LRRC7: variants seen among roughly 807,000 people sequenced by gnomAD.
LRRC7 encodes leucine-rich repeat-containing protein 7.
A neutral mutation model predicts 175.7 loss-of-function variants in LRRC7; 23 were observed. That is an observed-to-expected ratio of 0.13 (90% confidence interval 0.09 to 0.19). The LOEUF (loss-of-function observed/expected upper bound fraction) is 0.19. Among genes scored for constraint, LRRC7 ranks in the 10% least tolerant of loss-of-function variants. The probability of loss-of-function intolerance (pLI) is 1.00; values close to 1 mark genes in which losing one functional copy is unlikely to be tolerated. For synonymous variants in LRRC7, 685 were observed against 680.9 expected (o/e 1.01, Z -0.09); for missense variants, 1,354 against 1,904.7 (o/e 0.71, Z 5.38).
At chr1:69,637,391 C>A (rs1245036) in intron 1 of LRRC7, among the ~76,000 whole-genome samples, 125,020 of 151,798 alleles carry the variant, frequency 0.82, 52,844 homozygotes, top group East Asian at 0.97. Context: ...GTTAATTCTA[C>A]ATAAATATTT....
intron 1 of LRRC7, among the ~76,000 whole-genome samples, chr1:69,601,154 G>T (rs1361934920): frequency 2.0e-5 from 3 of 152,164 alleles, no homozygotes; most frequent in Admixed American, 6.5e-5. Context: ...TAAAAACCAA[G>T]ATCAGGACAC....
At chr1:70,063,260 A>G (rs1661715363) in intron 23 of LRRC7, among the ~76,000 whole-genome samples, 1 of 152,160 alleles carries the variant, frequency 6.6e-6, no homozygotes, top group Non-Finnish European at 1.5e-5. Context: ...TACTCCATCA[A>G]TATTTGACAT....
chr1:69,864,900 A>G (rs1684744448), intron 7 of LRRC7, among the ~76,000 whole-genome samples: 2 of 152,178 alleles, frequency 1.3e-5, no homozygotes, highest in African/African-American at 2.4e-5. Context: ...TATGACAACT[A>G]TTGCTGTCCT....
chr1:70,133,942 T>C lies in LRRC7; in HGVS notation c.*12055T>C, dbSNP rs1355155228. Among the ~76,000 whole-genome samples the C allele has an allele frequency of 1.3e-5, 2 of 152,172 alleles. No homozygotes were observed. The highest frequency in any genetic ancestry group is 2.9e-5 in the Non-Finnish European group (2 of 68,008). ...TTTTTAAAGTTAACTTTCCAAAACT[T>C]AAACATCAGGAACTGTGGTTAAGTT... On this transcript the variant is annotated 3_prime_UTR_variant, in exon 27 of 27. Transcript: ENST00000651989.
At position 69,887,813 on chromosome 1, in the gene LRRC7, T is replaced by A. The variant is rs552956319; in HGVS notation, c.648-43694T>A. On this transcript the variant is annotated intron_variant, in intron 7 of 26. Transcript: ENST00000651989. ...GGGTTTTTGGTGTGGATGTCCTTTC[T>A]GTTTGTTAGTTTTCCTTCTAACAGA... Among the ~76,000 whole-genome samples the A allele has an allele frequency of 3.7e-3, 543 of 147,224 alleles. 4 individuals carry two copies. Among genetic ancestry groups the A allele is most frequent in the African/African-American group, 0.013 (507 of 38,606 alleles).
At chr1:70,044,457 C>A (rs939062387) in intron 22 of LRRC7, among the ~76,000 whole-genome samples, 1 of 151,886 alleles carries the variant, frequency 6.6e-6, no homozygotes, top group Admixed American at 6.6e-5. Context: ...ATAGTCCTAT[C>A]GTCCTGGTGA....
chr1:69,785,265 A>G (rs143128839), intron 3 of LRRC7, among the ~76,000 whole-genome samples: 85 of 152,236 alleles, frequency 5.6e-4, no homozygotes, highest in African/African-American at 2.0e-3. Context: ...TTCCTGGTAA[A>G]CTGAAGTGAT....
intron 17 of LRRC7, among the ~76,000 whole-genome samples, chr1:70,023,668 A>G (rs1225858716): frequency 6.6e-6 from 1 of 151,860 alleles, no homozygotes; most frequent in Admixed American, 6.6e-5. Context: ...GTGTGGGAAT[A>G]CCAATAGTTG....
At chr1:69,761,211 AG>A (rs1251658502) in intron 3 of LRRC7, among the ~76,000 whole-genome samples, 1 of 152,040 alleles carries the variant, frequency 6.6e-6, no homozygotes, top group Non-Finnish European at 1.5e-5. Flanking sequence ...TTACCTGTGA[AG>A]GATTTATACG....
chr1:69,585,828 C>T (rs1241750213), intron 1 of LRRC7, among the ~76,000 whole-genome samples: 2 of 152,196 alleles, frequency 1.3e-5, no homozygotes, highest in Non-Finnish European at 2.9e-5. Flanking sequence ...GAAAGAACTA[C>T]ATAAACTATT....
chr1:69,822,856 C>A (rs993361991), intron 4 of LRRC7, among the ~76,000 whole-genome samples: 1 of 152,200 alleles, frequency 6.6e-6, no homozygotes, highest in African/African-American at 2.4e-5. Flanking sequence ...CTCTCATCTG[C>A]AGGTGGTTGC....
intron 7 of LRRC7, among the ~76,000 whole-genome samples, chr1:69,912,173 A>C (rs1311829746): frequency 6.6e-6 from 1 of 152,160 alleles, no homozygotes; most frequent in Non-Finnish European, 1.5e-5. Context: ...TTGTACATAA[A>C]TATTAATACT....
At chr1:69,922,849 T>C (rs1009151693) in intron 7 of LRRC7, among the ~76,000 whole-genome samples, 2 of 152,126 alleles carry the variant, frequency 1.3e-5, no homozygotes, top group African/African-American at 4.8e-5. Context: ...TTAGGGTACA[T>C]GTTCACAATG....
chr1:69,744,053 A>G (rs1262170179), intron 2 of LRRC7, among the ~76,000 whole-genome samples: 1 of 151,560 alleles, frequency 6.6e-6, no homozygotes, highest in Non-Finnish European at 1.5e-5. Flanking sequence ...AATACTCATG[A>G]TAACTCAGAG....
rs548052314 is a variant in LRRC7 at position 69,639,045 on chromosome 1, G to A, written c.3-39336G>A. ...GTTTTTTAACTCAAACTGAAACCCA[G>A]TTTTCTCTTTCTAAAATTTTCTATT... On this transcript the variant is annotated intron_variant, in intron 1 of 26. Coordinates refer to ENST00000651989, the MANE Select transcript of LRRC7 (RefSeq NM_001370785.2). Among the ~76,000 whole-genome samples the A allele has an allele frequency of 9.2e-5, 14 of 151,826 alleles. 1 individual carries two copies. In the South Asian group the frequency reaches 1.0e-3, roughly 11 times the overall value.
Position 69,980,414 on chromosome 1 carries a change from G to C in LRRC7, c.747G>C (p.Glu249Asp). 6.2e-7 allele frequency: 1 copy of C among 1,612,572 alleles called. No homozygotes were observed. Among genetic ancestry groups the C allele is most frequent in the Non-Finnish European group, 8.5e-7 (1 of 1,179,328 alleles). ...TGGATCAAATACAAAATTTGAGGGA[G>C]TTATGGATGGATAATAATGCATTAC... ...EVLDQIQNLR[E>D]LWMDNNALQV... The change falls in exon 9 of 27, where the codon GAG (glutamate) becomes GAC (aspartate). Residue 249 changes from glutamate to aspartate, a missense_variant. Physicochemically the swap from Glu to Asp is conservative, Grantham distance 45 (BLOSUM62 2). Around this residue, in one of 4 missense-constraint regions of LRRC7, gnomAD observed 201 missense variants for 481.4 expected, o/e 0.42. Coordinates refer to ENST00000651989, the MANE Select transcript of LRRC7 (RefSeq NM_001370785.2).
chr1:69,850,206 G>GA (rs1171052678), intron 7 of LRRC7, among the ~76,000 whole-genome samples: 1 of 151,968 alleles, frequency 6.6e-6, no homozygotes, highest in African/African-American at 2.4e-5. Context: ...AACAACCAAA[G>GA]AAAAAAAGAA....
intron 23 of LRRC7, among the ~76,000 whole-genome samples, chr1:70,055,672 G>A (rs1269256496): frequency 6.6e-6 from 1 of 152,120 alleles, no homozygotes; most frequent in African/African-American, 2.4e-5. Flanking sequence ...CGTGATGGTA[G>A]GACAGAAAGT....
At chr1:70,036,338 A>G (rs1052142988) in intron 19 of LRRC7, 106 bp downstream of exon 19, 49 of 1,395,804 alleles carry the variant, frequency 3.5e-5, no homozygotes, top group Non-Finnish European at 4.3e-5. Context: ...TGTTTTACAA[A>G]TATGCATTTC....
Sources: allele counts gnomAD v4.1 joint callset (sites outside exome capture counted in the v4.1 genomes callset), GRCh38; gene constraint gnomAD v4.1.1; regional missense constraint gnomAD v4.1.1; transcripts MANE v1.5; gene names NCBI Gene and HGNC (gene_info 2026-07-23, HGNC 2026-07-21).